Variants in PLAAT4 observed in about 807,000 individuals in gnomAD.
PLAAT4 encodes the protein phospholipase A and acyltransferase 4, also known as HRAS-like suppressor 4.
A neutral mutation model predicts 14.1 loss-of-function variants in PLAAT4; 12 were observed. The observed-to-expected ratio is 0.85, with a 90% CI of 0.54 to 1.37. The LOEUF (loss-of-function observed/expected upper bound fraction) is 1.37. Ranked by LOEUF, PLAAT4 falls within the 40% of genes most tolerant of loss-of-function variation. PLAAT4 has a pLI of 0.00. For synonymous variants in PLAAT4, 77 were observed against 79.8 expected (o/e 0.96, Z 0.19); for missense variants, 163 against 211.7 (o/e 0.77, Z 1.43).
chr11:63,541,195 CTT>C (rs201897796), intron 2 of PLAAT4, among the ~76,000 whole-genome samples: 12 of 139,368 alleles, frequency 8.6e-5, no homozygotes, highest in South Asian at 2.3e-4. Context: ...TGTAAAGAGG[CTT>C]TTTTTTTTTT....
chr11:63,536,915 C>A, intron 1 of PLAAT4, 38 bp downstream of exon 1: 1 of 1,603,568 alleles, frequency 6.2e-7, no homozygotes, highest in Non-Finnish European at 8.5e-7. Context: ...GACTCTACAG[C>A]AGTTGGGCAG....
intron 3 of PLAAT4, among the ~76,000 whole-genome samples, 155 bp from the exon 4 acceptor site, chr11:63,545,994 T>C (rs1282911768): frequency 6.6e-6 from 1 of 151,698 alleles, no homozygotes; most frequent in Non-Finnish European, 1.5e-5. Context: ...TGGGAGAGGA[T>C]TCTGAGCCAG....
intron 1 of PLAAT4, among the ~76,000 whole-genome samples, chr11:63,538,833 C>T (rs943065373): frequency 3.3e-5 from 5 of 152,144 alleles, no homozygotes; most frequent in African/African-American, 1.2e-4. Context: ...ATCATGCCTT[C>T]CCCTGGGGCT....
chr11:63,541,945 A>G (rs1295528286), intron 2 of PLAAT4, among the ~76,000 whole-genome samples: 1 of 152,202 alleles, frequency 6.6e-6, no homozygotes, highest in Non-Finnish European at 1.5e-5. Context: ...TATCATACCA[A>G]CTCATACGAT....
chr11:63,537,109 G>T (rs950099962), intron 1 of PLAAT4, among the ~76,000 whole-genome samples: 1 of 152,162 alleles, frequency 6.6e-6, no homozygotes, highest in Admixed American at 6.5e-5. Flanking sequence ...CGGGGAGCCC[G>T]GGACTCCCAT....
rs755398907 is a variant in PLAAT4, at chr11:63,546,343, G to A, written c.*87G>A. 64 of 1,218,276 alleles carry A rather than the reference G, an allele frequency of 5.3e-5. No individual in the cohort carries two copies. Among genetic ancestry groups the A allele is most frequent in the African/African-American group, 2.4e-4 (16 of 66,458 alleles). 75.5% of individuals were successfully genotyped at this position (1,218,276 alleles called of 1,614,324 possible). On this transcript the variant is annotated 3_prime_UTR_variant, in exon 4 of 4. Transcript: ENST00000255688. ...CCATGCCTCCAGCAGCCTGACCCTC[G>A]TGCCCTGTCTCAGGCGTTCTCTAGA...
At chr11:63,545,249 C>A in intron 3 of PLAAT4, 1 of 518,842 alleles carries the variant, frequency 1.9e-6, no homozygotes, top group Non-Finnish European at 3.4e-6. Context: ...AGTACTCAGG[C>A]AAGGGACGCT....
chr11:63,543,625 G>C (rs767493367), intron 2 of PLAAT4, among the ~76,000 whole-genome samples: 1 of 152,294 alleles, frequency 6.6e-6, no homozygotes, highest in East Asian at 1.9e-4. Flanking sequence ...TCTTAAGAGG[G>C]TTCTAAATGC....
rs533254357 is a variant in PLAAT4, at chr11:63,546,184, G to A, written c.423G>A (p.Thr141=). ...CCAAGGTTGAAGTCGGTGTGGCCAC[G>A]GCGCTTGGAATCCTGGTTGTTGCTG... ...EKAKVEVGVA[T]ALGILVVAGC... Residue 141 remains threonine (T), a synonymous_variant, in exon 4 of 4, where the codon ACG becomes ACA. Transcript: ENST00000255688. 7.4e-6 allele frequency: 12 copies of A among 1,614,104 alleles called. No individual in the cohort carries two copies. In the African/African-American group the frequency reaches 9.3e-5, roughly 13 times the overall value.
intron 1 of PLAAT4, among the ~76,000 whole-genome samples, chr11:63,537,400 C>T (rs2017279594): frequency 1.3e-5 from 2 of 152,138 alleles, no homozygotes; most frequent in Non-Finnish European, 2.9e-5. Context: ...TACCGATTGG[C>T]AGAAGCTCTA....
chr11:63,538,853 G>A (rs934138866), intron 1 of PLAAT4, among the ~76,000 whole-genome samples: 2 of 152,186 alleles, frequency 1.3e-5, no homozygotes, highest in Non-Finnish European at 2.9e-5. Context: ...TGTGGAGATG[G>A]TGCAGTTATT....
chr11:63,546,413 A>G lies in PLAAT4; in HGVS notation c.*157A>G. 2 of 654,030 alleles carry G rather than the reference A, an allele frequency of 3.1e-6. No individual in the cohort carries two copies. Among genetic ancestry groups the G allele is most frequent in the Admixed American group, 2.8e-5 (1 of 35,934 alleles). 40.5% of individuals were successfully genotyped at this position (654,030 alleles called of 1,614,324 possible). On this transcript the variant is annotated 3_prime_UTR_variant, in exon 4 of 4. Coordinates refer to ENST00000255688, the MANE Select transcript of PLAAT4 (RefSeq NM_004585.5). Reference sequence around the variant, plus strand: ...CTCTCGCTGGCAAAAGTATGATCTAATTGAAACAAGACTGAAGGATCAATA... The same window carrying G: ...CTCTCGCTGGCAAAAGTATGATCTAGTTGAAACAAGACTGAAGGATCAATA...
chr11:63,538,849 G>A (rs2017294786), intron 1 of PLAAT4, among the ~76,000 whole-genome samples: 1 of 152,200 alleles, frequency 6.6e-6, no homozygotes, highest in Admixed American at 6.5e-5. Context: ...GGGCTGTGGA[G>A]ATGGTGCAGT....
intron 1 of PLAAT4, among the ~76,000 whole-genome samples, chr11:63,537,248 G>A (rs2017278055): frequency 6.6e-6 from 1 of 151,856 alleles, no homozygotes; most frequent in South Asian, 2.1e-4. Flanking sequence ...CTTCTGCTGT[G>A]ACTGGGGCTC....
At chr11:63,545,226 CA>C in intron 3 of PLAAT4, 1 of 558,514 alleles carries the variant, frequency 1.8e-6, no homozygotes. Flanking sequence ...ACAGGTCCTG[CA>C]ACCCCCCAAA....
At chr11:63,536,971 A>T in intron 1 of PLAAT4, 94 bp downstream of exon 1, 1 of 1,425,178 alleles carries the variant, frequency 7.0e-7, no homozygotes, top group Non-Finnish European at 9.6e-7. Context: ...CCTTGGGCAC[A>T]CAGCTCCAGA....
chr11:63,543,046 A>G (rs907335276), intron 2 of PLAAT4, among the ~76,000 whole-genome samples: 1 of 152,238 alleles, frequency 6.6e-6, no homozygotes, highest in Admixed American at 6.5e-5. Flanking sequence ...TAACCACGGT[A>G]GAAGTTATGT....
chr11:63,540,839 AC>A (rs1055830145), intron 2 of PLAAT4, among the ~76,000 whole-genome samples: 6 of 152,184 alleles, frequency 3.9e-5, no homozygotes, highest in African/African-American at 1.4e-4. Flanking sequence ...GTCTCAAAAA[AC>A]AACAACAAAA....
Position 63,544,868 on chromosome 11 carries a change from T to C in PLAAT4, c.366T>C (p.Tyr122=). ...AGCACTTTGTCACCCAGCTGAGATA[T>C]GGCAAGTCCCGCTGTAAACAGGTAA... The part of the protein sequence containing the change: ...NCEHFVTQLR[Y]GKSRCKQVEK... The change falls in exon 3 of 4, where the codon TAT becomes TAC. Residue 122 remains tyrosine, a synonymous_variant. Coordinates refer to ENST00000255688, the MANE Select transcript of PLAAT4 (RefSeq NM_004585.5). 2 of 1,614,224 alleles carry C rather than the reference T, an allele frequency of 1.2e-6. No individual in the cohort carries two copies. The highest frequency in any genetic ancestry group is 2.2e-5 in the East Asian group (1 of 44,886).
Sources: allele counts gnomAD v4.1 joint callset (sites outside exome capture counted in the v4.1 genomes callset), GRCh38; gene constraint gnomAD v4.1.1; transcripts MANE v1.5; gene names NCBI Gene and HGNC (gene_info 2026-07-23, HGNC 2026-07-21).